NAALADL2: variants seen among roughly 807,000 people sequenced by gnomAD.
NAALADL2 encodes inactive N-acetylated-alpha-linked acidic dipeptidase-like protein 2.
A neutral mutation model predicts 87.2 loss-of-function variants in NAALADL2; 76 were observed. That is an observed-to-expected ratio of 0.87 (90% CI 0.72 to 1.05). The LOEUF (loss-of-function observed/expected upper bound fraction) is 1.05, where lower values mean the gene tolerates loss of function less well. Among genes scored for constraint, NAALADL2 ranks in the 50% least tolerant of loss-of-function variants. The probability of loss-of-function intolerance (pLI) is 0.00; values close to 1 mark genes in which losing one functional copy is unlikely to be tolerated. For synonymous variants in NAALADL2, 354 were observed against 331.0 expected, an observed-to-expected ratio of 1.07 and a Z score of -0.75; for missense variants, 1,089 against 945.8, an observed-to-expected ratio of 1.15 and a Z score of -1.99.
At chr3:174,844,130 T>C (rs1403111095) in intron 3 of NAALADL2, among the ~76,000 whole-genome samples, 2 of 152,174 alleles carry the variant, frequency 1.3e-5, no homozygotes, top group Non-Finnish European at 2.9e-5. Context: ...TGTTTCCTTC[T>C]AGTAGTTTCA....
intron 2 of NAALADL2, among the ~76,000 whole-genome samples, chr3:175,177,742 G>A (rs1014736147): frequency 1.3e-4 from 20 of 152,052 alleles, no homozygotes; most frequent in East Asian, 3.9e-4. Flanking sequence ...ATGTATGCAC[G>A]TATTTAATCC....
At chr3:175,368,920 C>T (rs1364932983) in intron 5 of NAALADL2, among the ~76,000 whole-genome samples, 1 of 151,868 alleles carries the variant, frequency 6.6e-6, no homozygotes, top group East Asian at 1.9e-4. Context: ...AAATTGCCAC[C>T]CCTGTATAGG....
intron 11 of NAALADL2, among the ~76,000 whole-genome samples, chr3:175,709,004 A>C (rs866916942): frequency 6.6e-6 from 1 of 152,014 alleles, no homozygotes. Context: ...GCTTACATGG[A>C]GTTTGTATAC....
At chr3:175,251,835 T>C (rs1749125265) in intron 3 of NAALADL2, among the ~76,000 whole-genome samples, 1 of 152,232 alleles carries the variant, frequency 6.6e-6, no homozygotes. Flanking sequence ...ATTTTTATTA[T>C]TGCCTGCAAA....
At chr3:174,614,848 A>G (rs1720294297) in intron 2 of NAALADL2, among the ~76,000 whole-genome samples, 1 of 152,130 alleles carries the variant, frequency 6.6e-6, no homozygotes, top group Admixed American at 6.6e-5. Context: ...TAGAGTGTCT[A>G]AAATCTGAAT....
intron 1 of NAALADL2, among the ~76,000 whole-genome samples, chr3:174,947,749 G>A (rs1440956705): frequency 6.6e-6 from 1 of 151,100 alleles, no homozygotes; most frequent in Non-Finnish European, 1.5e-5. Flanking sequence ...CACACATACT[G>A]ACACATATAC....
chr3:175,720,024 G>A (rs181604611), intron 11 of NAALADL2, among the ~76,000 whole-genome samples: 68 of 152,166 alleles, frequency 4.5e-4, no homozygotes, highest in Middle Eastern at 6.8e-3. Context: ...ATAAACTTGG[G>A]GGTTAGAATT....
intron 1 of NAALADL2, among the ~76,000 whole-genome samples, chr3:175,063,389 A>C (rs2109094545): frequency 6.6e-6 from 1 of 152,190 alleles, no homozygotes; most frequent in East Asian, 2.0e-4. Flanking sequence ...ATCCTTCGAA[A>C]CATAGACTGG....
chr3:175,686,823 A>T (rs535183662), intron 11 of NAALADL2, among the ~76,000 whole-genome samples: 2 of 152,182 alleles, frequency 1.3e-5, no homozygotes, highest in Non-Finnish European at 2.9e-5. Flanking sequence ...AGGAAGCCCA[A>T]GGTCAGGGAG....
intron 5 of NAALADL2, among the ~76,000 whole-genome samples, chr3:175,378,438 A>G (rs978167804): frequency 6.6e-6 from 1 of 152,214 alleles, no homozygotes; most frequent in Non-Finnish European, 1.5e-5. Context: ...TTTGTATTGC[A>G]TGGTGGTTCA....
At position 175,576,003 on chromosome 3, in the gene NAALADL2, G is replaced by A. The variant is rs767641244; in HGVS notation, c.1654-38G>A. On this transcript the variant is annotated intron_variant, in intron 9 of 13. Coordinates refer to ENST00000454872, the MANE Select transcript of NAALADL2 (RefSeq NM_207015.3). ...CACTGATCTAGGGATGACCTGGGAAGCATAGTATGTGTTAACAATTTAAAT... is the reference window on the plus strand; with the variant it reads ...CACTGATCTAGGGATGACCTGGGAAACATAGTATGTGTTAACAATTTAAAT... The A allele has an allele frequency of 2.3e-5, 35 of 1,553,810 alleles. No individual in the cohort carries two copies. In the South Asian group the frequency reaches 3.8e-4, roughly 17 times the overall value.
At chr3:174,632,152 A>C (rs1303819284) in intron 2 of NAALADL2, 2 of 152,212 alleles carry the variant, frequency 1.3e-5, no homozygotes, top group Non-Finnish European at 2.9e-5. Context: ...GAGTCTGCAA[A>C]CCTGCCTGAG....
chr3:175,450,294 C>T (rs1412994819), intron 6 of NAALADL2, among the ~76,000 whole-genome samples: 1 of 151,942 alleles, frequency 6.6e-6, no homozygotes, highest in African/African-American at 2.4e-5. Flanking sequence ...GCAATAACAG[C>T]AATGCTTATT....
intron 1 of NAALADL2, among the ~76,000 whole-genome samples, chr3:175,046,949 C>A (rs1188020849): frequency 6.6e-6 from 1 of 152,068 alleles, no homozygotes; most frequent in East Asian, 1.9e-4. Flanking sequence ...GCTGAGAAAT[C>A]CAAGATCAAA....
chr3:175,357,379 CTT>C (rs983381191), intron 5 of NAALADL2, among the ~76,000 whole-genome samples: 3 of 152,130 alleles, frequency 2.0e-5, no homozygotes, highest in Non-Finnish European at 2.9e-5. Flanking sequence ...GAAAATCAGA[CTT>C]ATACTTCTGC....
At chr3:174,473,044 G>C (rs1717004339) in intron 1 of NAALADL2, among the ~76,000 whole-genome samples, 1 of 152,118 alleles carries the variant, frequency 6.6e-6, no homozygotes, top group Non-Finnish European at 1.5e-5. Context: ...AATAATGTTT[G>C]GAAGAAGATA....
intron 3 of NAALADL2, among the ~76,000 whole-genome samples, chr3:174,806,590 T>A (rs1719528974): frequency 6.6e-6 from 1 of 152,300 alleles, no homozygotes; most frequent in Admixed American, 6.5e-5. Flanking sequence ...GAAAATACAG[T>A]TACCTTTGTT....
intron 1 of NAALADL2, among the ~76,000 whole-genome samples, chr3:174,473,332 T>C (rs1284287364): frequency 6.6e-6 from 1 of 152,196 alleles, no homozygotes; most frequent in African/African-American, 2.4e-5. Flanking sequence ...TTTGCTTAAC[T>C]ACATCAACCC....
At chr3:174,838,020 A>G (rs1306184394) in intron 3 of NAALADL2, among the ~76,000 whole-genome samples, 1 of 131,180 alleles carries the variant, frequency 7.6e-6, no homozygotes, top group Non-Finnish European at 1.6e-5. Context: ...TAACCAAAAA[A>G]GAAAAAAAAA....
Sources: allele counts gnomAD v4.1 joint callset (sites outside exome capture counted in the v4.1 genomes callset), GRCh38; gene constraint gnomAD v4.1.1; transcripts MANE v1.5; gene names NCBI Gene and HGNC (gene_info 2026-07-23, HGNC 2026-07-21).